Variants in ARHGAP31 observed in about 807,000 individuals in gnomAD.
ARHGAP31 encodes the protein rho GTPase-activating protein 31.
ARHGAP31 carries 34 observed loss-of-function variants against 113.9 expected under a neutral mutation model. The observed-to-expected ratio is 0.30, with a 90% CI of 0.23 to 0.40. The LOEUF (loss-of-function observed/expected upper bound fraction) is 0.40. Ranked by LOEUF, ARHGAP31 falls within the 10% of genes least tolerant of loss-of-function variation. The probability of loss-of-function intolerance (pLI) is 1.00; values close to 1 mark genes in which losing one functional copy is unlikely to be tolerated. For synonymous variants in ARHGAP31, 650 were observed against 684.8 expected, an observed-to-expected ratio of 0.95 and a Z score of 0.79; for missense variants, 1,548 against 1,767.1, an observed-to-expected ratio of 0.88 and a Z score of 2.22.
chr3:119,370,030 G>A (rs1302841873), intron 3 of ARHGAP31, among the ~76,000 whole-genome samples: 1 of 152,128 alleles, frequency 6.6e-6, no homozygotes, highest in Non-Finnish European at 1.5e-5. Context: ...CTCTAGAGAA[G>A]TCAACATGTA....
At chr3:119,348,067 G>T (rs548138934) in intron 1 of ARHGAP31, among the ~76,000 whole-genome samples, 1 of 152,130 alleles carries the variant, frequency 6.6e-6, no homozygotes, top group Non-Finnish European at 1.5e-5. Flanking sequence ...GGTGACTGGC[G>T]GGCGAGCCAG....
At chr3:119,397,131 T>G (rs894522092) in intron 8 of ARHGAP31, among the ~76,000 whole-genome samples, 10 of 152,164 alleles carry the variant, frequency 6.6e-5, no homozygotes, top group Admixed American at 4.6e-4. Context: ...CAGAAACATG[T>G]AATATAAATA....
chr3:119,373,767 A>T (rs2080323602), intron 3 of ARHGAP31, among the ~76,000 whole-genome samples: 1 of 152,152 alleles, frequency 6.6e-6, no homozygotes, highest in Non-Finnish European at 1.5e-5. Flanking sequence ...CCCAGCTGAG[A>T]CTGGCTTTTT....
intron 1 of ARHGAP31, among the ~76,000 whole-genome samples, chr3:119,335,208 T>G (rs2079932237): frequency 1.3e-5 from 2 of 152,208 alleles, no homozygotes; most frequent in Admixed American, 1.3e-4. Context: ...GCAGAAGCCA[T>G]AGATTTCTAT....
rs2080770626 is a variant in ARHGAP31, at chr3:119,415,770, T to C, written c.3841T>C (p.Cys1281Arg). ...CTCACCAGTGGATGCCACTGCACCC[T>C]GCATGTGCGAGGGACCTACCCTTTC... ...KSSPVDATAPCMCEGPTLSPE... is the reference protein window; with the variant it reads ...KSSPVDATAPRMCEGPTLSPE... Residue 1281 changes from cysteine (C) to arginine (R), a missense_variant, in exon 12 of 12, where the codon TGC becomes CGC. Cys to Arg is a radical substitution (Grantham distance 180). Coordinates refer to ENST00000264245, the MANE Select transcript of ARHGAP31 (RefSeq NM_020754.4). 2 of 1,614,104 alleles carry C rather than the reference T, an allele frequency of 1.2e-6. No homozygotes were observed. Among genetic ancestry groups the C allele is most frequent in the African/African-American group, 1.3e-5 (1 of 74,940 alleles).
chr3:119,298,324 G>A (rs1215090361), intron 1 of ARHGAP31, among the ~76,000 whole-genome samples: 1 of 152,022 alleles, frequency 6.6e-6, no homozygotes, highest in African/African-American at 2.4e-5. Context: ...TTCTTTTCTT[G>A]ACCACTGAAT....
chr3:119,353,068 A>G (rs2080124797), intron 1 of ARHGAP31, among the ~76,000 whole-genome samples: 1 of 152,210 alleles, frequency 6.6e-6, no homozygotes, highest in South Asian at 2.1e-4. Flanking sequence ...CACGTCAATT[A>G]CATCATATGA....
At chr3:119,299,074 A>G (rs1366603238) in intron 1 of ARHGAP31, 1 of 152,340 alleles carries the variant, frequency 6.6e-6, no homozygotes, top group Non-Finnish European at 1.5e-5. Flanking sequence ...AATGGAAATT[A>G]TACTTAAAAA....
intron 7 of ARHGAP31, among the ~76,000 whole-genome samples, chr3:119,391,405 A>G (rs1277238579): frequency 6.6e-6 from 1 of 152,076 alleles, no homozygotes; most frequent in East Asian, 1.9e-4. Context: ...GGGTTGACAA[A>G]TGGTGTCACT....
chr3:119,367,109 G>T (rs2080257675), intron 2 of ARHGAP31, among the ~76,000 whole-genome samples: 1 of 150,816 alleles, frequency 6.6e-6, no homozygotes, highest in Non-Finnish European at 1.5e-5. Context: ...AAAAAAAATA[G>T]CATGGCATAG....
chr3:119,406,019 T>C (rs1262200331), intron 10 of ARHGAP31, among the ~76,000 whole-genome samples: 2 of 152,340 alleles, frequency 1.3e-5, no homozygotes, highest in Non-Finnish European at 2.9e-5. Flanking sequence ...GTTAGGTTTA[T>C]GTCTTGAGGA....
chr3:119,403,281 A>G (rs1382728990), intron 10 of ARHGAP31, among the ~76,000 whole-genome samples: 3 of 152,226 alleles, frequency 2.0e-5, no homozygotes, highest in Non-Finnish European at 4.4e-5. Context: ...CCTCTATCCT[A>G]TGATATAGAT....
At chr3:119,304,582 A>G (rs2079613374) in intron 1 of ARHGAP31, among the ~76,000 whole-genome samples, 1 of 152,144 alleles carries the variant, frequency 6.6e-6, no homozygotes, top group African/African-American at 2.4e-5. Context: ...TGAGGCTGAG[A>G]CTGGCTGCAG....
intron 6 of ARHGAP31, among the ~76,000 whole-genome samples, chr3:119,389,711 T>C (rs1032252704): frequency 6.6e-6 from 1 of 152,210 alleles, no homozygotes; most frequent in Non-Finnish European, 1.5e-5. Flanking sequence ...TCAATCTGCT[T>C]TCTGAAAATA....
intron 11 of ARHGAP31, among the ~76,000 whole-genome samples, chr3:119,411,542 G>T (rs1176515742): frequency 6.6e-6 from 1 of 152,192 alleles, no homozygotes; most frequent in Non-Finnish European, 1.5e-5. Flanking sequence ...TGAAGTGGAA[G>T]GGAGTTTAGA....
chr3:119,416,582 A>T lies in ARHGAP31; in HGVS notation c.*318A>T, dbSNP rs1459761683. On this transcript the variant is annotated 3_prime_UTR_variant, in exon 12 of 12. Transcript: ENST00000264245. ...GTCAGATTGCTCCCCTATTGCTATT[A>T]TCTATTACTCTTGAGAGCTGGCTGT... 1 of 395,622 alleles carries T rather than the reference A, an allele frequency of 2.5e-6. No individual in the cohort carries two copies. The highest frequency in any genetic ancestry group is 4.8e-6 in the Non-Finnish European group (1 of 209,202). The allele number at this position is 395,622 out of a possible 1,614,324, so 24.5% of individuals were successfully genotyped here.
chr3:119,381,053 G>A, intron 4 of ARHGAP31, 67 bp downstream of exon 4: 4 of 1,469,454 alleles, frequency 2.7e-6, no homozygotes, highest in Non-Finnish European at 2.9e-6. Context: ...AGACAGGCTG[G>A]CATCATGGAA....
rs964290479 is a variant in ARHGAP31 at position 119,418,642 on chromosome 3, G to A, written c.*2378G>A. On this transcript the variant is annotated 3_prime_UTR_variant, in exon 12 of 12. Coordinates refer to ENST00000264245, the MANE Select transcript of ARHGAP31 (RefSeq NM_020754.4). ...GAAGCCACCATTTACATATTAACAA[G>A]TGACTTCAGTTCTAAGGGTTGAGAT... 8.5e-5 allele frequency: 13 copies of A among 152,216 alleles called. No individual in the cohort carries two copies. The highest frequency in any genetic ancestry group is 3.1e-4 in the African/African-American group (13 of 41,450). The allele number at this position is 152,216 out of a possible 1,614,324, so 9.4% of individuals were successfully genotyped here.
intron 1 of ARHGAP31, among the ~76,000 whole-genome samples, chr3:119,317,098 T>C (rs1170266260): frequency 2.0e-5 from 3 of 152,252 alleles, no homozygotes; most frequent in Admixed American, 6.5e-5. Flanking sequence ...ATGTGTATTT[T>C]TGTTTGATAA....
Sources: gnomAD v4.1 joint callset for allele counts (sites outside exome capture counted in the v4.1 genomes callset) on GRCh38, gnomAD v4.1.1 for gene constraint, MANE v1.5 for transcripts, NCBI Gene and HGNC (gene_info 2026-07-23, HGNC 2026-07-21) for gene names.